MYOM1: variants seen among roughly 807,000 people sequenced by gnomAD.
The protein encoded by MYOM1 is myomesin 1.
MYOM1 carries 164 observed loss-of-function variants against 205.3 expected under a neutral mutation model. The ratio of observed to expected loss-of-function variants is 0.80; its 90% CI spans 0.70 to 0.91. The LOEUF (loss-of-function observed/expected upper bound fraction) is 0.91. MYOM1 is among the 40% of genes least tolerant of loss of function. MYOM1 has a pLI of 0.00. For missense variants in MYOM1, 2,011 were observed against 2,127.3 expected, an observed-to-expected ratio of 0.95 and a Z score of 1.08; for synonymous variants, 772 against 789.4, an observed-to-expected ratio of 0.98 and a Z score of 0.37.
chr18:3,167,368 A>T (rs10853290), intron 9 of MYOM1, among the ~76,000 whole-genome samples: 1 of 151,910 alleles, frequency 6.6e-6, no homozygotes, highest in African/African-American at 2.4e-5. Flanking sequence ...ATTTATTGTT[A>T]TTTTATTTTA....
chr18:3,143,628 C>T (rs755369273), intron 13 of MYOM1, among the ~76,000 whole-genome samples: 7 of 152,058 alleles, frequency 4.6e-5, no homozygotes, highest in Non-Finnish European at 8.8e-5. Context: ...AGGACAGGCA[C>T]GATGGCTCAT....
chr18:3,166,427 C>T (rs963720437), intron 9 of MYOM1, among the ~76,000 whole-genome samples: 61 of 152,022 alleles, frequency 4.0e-4, no homozygotes, highest in African/African-American at 1.4e-3. Flanking sequence ...TGCACCACCA[C>T]GCCTGGCTAA....
intron 36 of MYOM1, among the ~76,000 whole-genome samples, chr18:3,072,973 AT>A (rs770278592): frequency 0.035 from 3,630 of 102,390 alleles, 103 homozygotes; most frequent in African/African-American, 0.09. Flanking sequence ...AGATGTAAGC[AT>A]TTTTTTTTTT....
chr18:3,132,640 G>T (rs999091388), intron 16 of MYOM1, among the ~76,000 whole-genome samples: 1 of 152,006 alleles, frequency 6.6e-6, no homozygotes, highest in Non-Finnish European at 1.5e-5. Flanking sequence ...AGGCATTGGT[G>T]GCTCCTTGTC....
chr18:3,189,557 A>T lies in MYOM1; in HGVS notation c.432-470T>A, dbSNP rs1266099529. Among the ~76,000 whole-genome samples, 1 of 152,046 alleles carries T rather than the reference A, an allele frequency of 6.6e-6. No individual in the cohort carries two copies. The highest frequency in any genetic ancestry group is 2.4e-5 in the African/African-American group (1 of 41,404). On this transcript the variant is annotated intron_variant, in intron 3 of 37. Transcript: ENST00000356443. This position sits in a 1 kb window ranked among gnomAD's most constrained non-coding sequence, Gnocchi z 4.8. Reference sequence around the variant, plus strand: ...GTAATTTTAGTAGAGACAGGGTTTCACCATGTTGGCCAGGCTGGTCTCGAA... The same window carrying T: ...GTAATTTTAGTAGAGACAGGGTTTCTCCATGTTGGCCAGGCTGGTCTCGAA...
At chr18:3,166,704 T>TA (rs2080477703) in intron 9 of MYOM1, among the ~76,000 whole-genome samples, 1 of 152,174 alleles carries the variant, frequency 6.6e-6, no homozygotes, top group Non-Finnish European at 1.5e-5. Flanking sequence ...GTCATACAAA[T>TA]AATAGTAATA....
chr18:3,118,285 C>G (rs2079634573), intron 20 of MYOM1, among the ~76,000 whole-genome samples: 1 of 152,128 alleles, frequency 6.6e-6, no homozygotes, highest in African/African-American at 2.4e-5. Context: ...GGGTGGAGGG[C>G]TGCCCCCTCC....
chr18:3,232,104 C>T, the MYOM1 span, among the ~76,000 whole-genome samples: 1 of 151,482 alleles, frequency 6.6e-6, no homozygotes, highest in Admixed American at 6.6e-5. Context: ...CTGAGGCTGG[C>T]GGATCACCTA....
At chr18:3,145,483 T>C (rs1022474355) in intron 13 of MYOM1, among the ~76,000 whole-genome samples, 1 of 152,082 alleles carries the variant, frequency 6.6e-6, no homozygotes, top group Non-Finnish European at 1.5e-5. Flanking sequence ...AAGAGAAATA[T>C]ACTTGGGAAA....
At chr18:3,243,178 A>G in the MYOM1 span, among the ~76,000 whole-genome samples, 56 of 152,216 alleles carry the variant, frequency 3.7e-4, no homozygotes, top group African/African-American at 1.3e-3. Context: ...ATTAATTATT[A>G]TACAGATTTA....
chr18:3,188,107 CTG>C (rs2080847505), intron 4 of MYOM1, among the ~76,000 whole-genome samples: 1 of 152,008 alleles, frequency 6.6e-6, no homozygotes, highest in Non-Finnish European at 1.5e-5. Flanking sequence ...CCTCCCAAAA[CTG>C]GGATTACAGG....
intron 21 of MYOM1, among the ~76,000 whole-genome samples, chr18:3,112,737 T>C (rs2079545864): frequency 6.6e-6 from 1 of 152,246 alleles, no homozygotes; most frequent in African/African-American, 2.4e-5. Context: ...CGTTAGCCAC[T>C]GTATTCTTTG....
Position 3,090,217 on chromosome 18 carries a change from A to ATT in MYOM1, c.4009+439_4009+440dup, listed in dbSNP as rs71159040. Among the ~76,000 whole-genome samples, 429 of 124,594 alleles carry ATT rather than the reference A, an allele frequency of 3.4e-3. 4 individuals are homozygous for ATT. Among genetic ancestry groups the ATT allele is most frequent in the South Asian group, 8.7e-3 (33 of 3,798 alleles). 81.7% of individuals were successfully genotyped at this position (124,594 alleles called of 152,430 possible). On this transcript the variant is annotated intron_variant, in intron 27 of 37. Transcript: ENST00000356443. Reference sequence around the variant, plus strand: ...ATGTAAAGTATTAACTGAAAACTGTATTTTTTTTTTTTTTTTTTTTGAGAC... The same window carrying ATT: ...ATGTAAAGTATTAACTGAAAACTGTATTTTTTTTTTTTTTTTTTTTTTGAGAC...
intron 4 of MYOM1, among the ~76,000 whole-genome samples, chr18:3,188,415 A>G (rs111857579): frequency 0.079 from 11,979 of 151,438 alleles, 641 homozygotes; most frequent in African/African-American, 0.15. Context: ...TCACGAGTTC[A>G]AGACCAGCCT....
chr18:3,134,817 G>C lies in MYOM1; in HGVS notation c.2217C>G (p.Pro739=). The C allele has an allele frequency of 6.2e-7, 1 of 1,613,920 alleles. No homozygotes were observed. Among genetic ancestry groups the C allele is most frequent in the South Asian group, 1.1e-5 (1 of 91,076 alleles). The change falls in exon 16 of 38, where the codon CCC becomes CCG. Residue 739 remains proline (P), a synonymous_variant. Coordinates refer to ENST00000356443, the MANE Select transcript of MYOM1 (RefSeq NM_003803.4). ...VTVVGDKLDI[P]KAPGKIIPSR... ...TTGGGATGATTTTGCCAGGAGCCTT[G>C]GGGATATCTGAGAAAGAGGAAAATG...
At chr18:3,238,362 C>T in the MYOM1 span, among the ~76,000 whole-genome samples, 1 of 152,036 alleles carries the variant, frequency 6.6e-6, no homozygotes, top group Admixed American at 6.5e-5. Flanking sequence ...AGCATCACTC[C>T]CTCCGACCTG....
chr18:3,198,140 CTA>C (rs2081017009), intron 2 of MYOM1, among the ~76,000 whole-genome samples: 1 of 152,062 alleles, frequency 6.6e-6, no homozygotes, highest in Admixed American at 6.5e-5. Context: ...TTTATAATCA[CTA>C]TATAATTTGG....
Position 3,089,225 on chromosome 18 carries a change from C to G in MYOM1, c.4086G>C (p.Glu1362Asp). The G allele has an allele frequency of 6.2e-7, 1 of 1,611,744 alleles. No homozygotes were observed. The highest frequency in any genetic ancestry group is 8.5e-7 in the Non-Finnish European group (1 of 1,178,460). ...WIRKQGPHFV[E>D]YLSWEVTGEC... ...CACCAGTCACTTCCCAGCTCAAATACTCAACAAAGTGAGGACCTATAAAAT... is the reference window on the plus strand; with the variant it reads ...CACCAGTCACTTCCCAGCTCAAATAGTCAACAAAGTGAGGACCTATAAAAT... Residue 1362 changes from glutamate (E) to aspartate (D), a missense_variant, in exon 29 of 38, where the codon GAG (glutamate) becomes GAC (aspartate). Physicochemically the swap from Glu to Asp is conservative, Grantham distance 45 (BLOSUM62 2). Transcript: ENST00000356443.
intron 29 of MYOM1, among the ~76,000 whole-genome samples, chr18:3,087,811 A>T (rs1157710596): frequency 4.0e-5 from 6 of 151,030 alleles, no homozygotes; most frequent in South Asian, 2.1e-4. Context: ...TTATTTATTT[A>T]TTTTTTTTTT....
Sources: gnomAD v4.1 joint callset for allele counts (sites outside exome capture counted in the v4.1 genomes callset) on GRCh38, gnomAD v4.1.1 for gene constraint, Gnocchi (gnomAD v3.1) non-coding constraint, MANE v1.5 for transcripts, NCBI Gene and HGNC (gene_info 2026-07-23, HGNC 2026-07-21) for gene names.